The following LRFN5 variants were observed in gnomAD, a reference collection of about 807,000 sequenced individuals.
The protein encoded by LRFN5 is leucine-rich repeat and fibronectin type-III domain-containing protein 5.
LRFN5 carries 24 observed loss-of-function variants against 45.6 expected under a neutral mutation model. The ratio of observed to expected loss-of-function variants is 0.53; its 90% CI spans 0.38 to 0.74. The LOEUF (loss-of-function observed/expected upper bound fraction) is 0.74. Ranked by LOEUF, LRFN5 falls within the 30% of genes least tolerant of loss-of-function variation. The pLI, the probability that LRFN5 is intolerant of heterozygous loss-of-function variation, is 0.00. For synonymous variants in LRFN5, 340 were observed against 313.8 expected, an observed-to-expected ratio of 1.08 and a Z score of -0.88; for missense variants, 776 against 861.5, an observed-to-expected ratio of 0.90 and a Z score of 1.24.
At chr14:41,889,570 CA>C (rs1566507654) in intron 3 of LRFN5, among the ~76,000 whole-genome samples, 2 of 152,058 alleles carry the variant, frequency 1.3e-5, no homozygotes, top group African/African-American at 4.8e-5. Context: ...TGAAATAAGC[CA>C]GATTTTATTT....
intron 2 of LRFN5, among the ~76,000 whole-genome samples, chr14:41,828,066 A>G (rs537729240): frequency 6.6e-6 from 1 of 152,156 alleles, no homozygotes; most frequent in African/African-American, 2.4e-5. Context: ...ATGTATTGTT[A>G]TATCATGAAA....
intron 2 of LRFN5, among the ~76,000 whole-genome samples, chr14:41,827,492 ATCAAGCCAC>A (rs1249678567): frequency 6.6e-6 from 1 of 152,058 alleles, no homozygotes; most frequent in Non-Finnish European, 1.5e-5. Flanking sequence ...TAGAGGAAAT[ATCAAGCCAC>A]ATACACTGAA....
chr14:41,810,562 T>G (rs961605733), intron 2 of LRFN5, among the ~76,000 whole-genome samples: 1 of 152,188 alleles, frequency 6.6e-6, no homozygotes, highest in Admixed American at 6.6e-5. Context: ...TTTCATTGAC[T>G]TACGCAATAT....
rs548160327 is a variant in LRFN5 at position 41,855,704 on chromosome 14, A to G, written c.-20-30902A>G. On this transcript the variant is annotated intron_variant, in intron 2 of 5. Coordinates refer to ENST00000298119, the MANE Select transcript of LRFN5 (RefSeq NM_152447.5). ...GCTAGCAAGCTGAATAAACATTTGA[A>G]TAAATGTTTAACGAGTCCCACTGGC... 2.0e-3 allele frequency among the ~76,000 whole-genome samples: 293 copies of G among 148,508 alleles called. 1 individual carries two copies. The highest frequency in any genetic ancestry group is 6.5e-3 in the African/African-American group (271 of 41,466).
intron 1 of LRFN5, among the ~76,000 whole-genome samples, chr14:41,741,744 CATAGTGGAGAG>C (rs1884702538): frequency 6.6e-6 from 1 of 150,618 alleles, no homozygotes; most frequent in African/African-American, 2.4e-5. Context: ...CAACAATTTA[CATAGTGGAGAG>C]ATAGCCCACA....
intron 2 of LRFN5, among the ~76,000 whole-genome samples, chr14:41,774,853 C>G (rs1886219310): frequency 6.6e-6 from 1 of 152,100 alleles, no homozygotes; most frequent in Non-Finnish European, 1.5e-5. Flanking sequence ...AGGTTAGTTG[C>G]TAACAATAAC....
At chr14:41,638,096 A>G (rs1179486932) in intron 1 of LRFN5, among the ~76,000 whole-genome samples, 1 of 152,128 alleles carries the variant, frequency 6.6e-6, no homozygotes, top group African/African-American at 2.4e-5. Flanking sequence ...AATGCATGCT[A>G]TAGTATGACA....
At chr14:41,874,993 C>T (rs1185894728) in intron 2 of LRFN5, among the ~76,000 whole-genome samples, 1 of 152,102 alleles carries the variant, frequency 6.6e-6, no homozygotes, top group Non-Finnish European at 1.5e-5. Context: ...ATTCAGTTAC[C>T]CCCCCACCAA....
intron 2 of LRFN5, among the ~76,000 whole-genome samples, chr14:41,877,481 A>G (rs1480212604): frequency 6.6e-5 from 10 of 152,094 alleles, no homozygotes; most frequent in Non-Finnish European, 1.0e-4. Flanking sequence ...AGAAATTACT[A>G]CTTATTTTGT....
chr14:41,854,915 A>C (rs926070088), intron 2 of LRFN5, among the ~76,000 whole-genome samples: 1 of 152,212 alleles, frequency 6.6e-6, no homozygotes, highest in Admixed American at 6.5e-5. Context: ...ACTTATATGT[A>C]TCTATGGCAT....
intron 1 of LRFN5, among the ~76,000 whole-genome samples, chr14:41,663,408 G>T (rs1483509687): frequency 1.2e-4 from 19 of 152,018 alleles, no homozygotes; most frequent in Non-Finnish European, 2.8e-4. Context: ...GAGCCTCACA[G>T]GACTGTAAGA....
intron 2 of LRFN5, among the ~76,000 whole-genome samples, chr14:41,793,935 G>C (rs1201340242): frequency 3.9e-5 from 6 of 151,958 alleles, no homozygotes; most frequent in Non-Finnish European, 8.8e-5. Flanking sequence ...CTACTCTCCT[G>C]TCGTTATATT....
chr14:41,823,001 T>G (rs1474322229), intron 2 of LRFN5, among the ~76,000 whole-genome samples: 1 of 151,930 alleles, frequency 6.6e-6, no homozygotes, highest in Non-Finnish European at 1.5e-5. Flanking sequence ...GTATGATATA[T>G]TTTTTTCCAC....
At chr14:41,805,556 C>CCT (rs1230592344) in intron 2 of LRFN5, among the ~76,000 whole-genome samples, 1 of 146,448 alleles carries the variant, frequency 6.8e-6, no homozygotes, top group Non-Finnish European at 1.5e-5. Flanking sequence ...TCCCTCCACC[C>CCT]CCCCCACCCC....
intron 2 of LRFN5, among the ~76,000 whole-genome samples, chr14:41,856,739 C>G (rs1238053915): frequency 8.3e-6 from 1 of 120,336 alleles, no homozygotes; most frequent in East Asian, 2.5e-4. Flanking sequence ...TGCTGTGGCG[C>G]GATCTCCGCT....
chr14:41,879,955 C>T (rs561598649), intron 2 of LRFN5, among the ~76,000 whole-genome samples: 1 of 113,736 alleles, frequency 8.8e-6, no homozygotes, highest in African/African-American at 3.3e-5. Context: ...CAGAGTCTCA[C>T]TCTGTTGCCC....
At chr14:41,723,862 A>G (rs1883824950) in intron 1 of LRFN5, among the ~76,000 whole-genome samples, 1 of 152,160 alleles carries the variant, frequency 6.6e-6, no homozygotes. Flanking sequence ...CCATGTCACC[A>G]AAGAATGACT....
intron 1 of LRFN5, among the ~76,000 whole-genome samples, chr14:41,703,466 T>C (rs112055495): frequency 1.3e-4 from 20 of 152,274 alleles, no homozygotes; most frequent in Non-Finnish European, 2.4e-4. Flanking sequence ...ATTTAATCAG[T>C]TTTCTCAGTT....
At chr14:41,784,875 A>G (rs1886663049) in intron 2 of LRFN5, among the ~76,000 whole-genome samples, 1 of 152,066 alleles carries the variant, frequency 6.6e-6, no homozygotes, top group East Asian at 1.9e-4. Context: ...GTGATCTGTC[A>G]GCCTCATTCT....
Sources: allele counts gnomAD v4.1 joint callset (sites outside exome capture counted in the v4.1 genomes callset), GRCh38; gene constraint gnomAD v4.1.1; transcripts MANE v1.5; gene names NCBI Gene and HGNC (gene_info 2026-07-23, HGNC 2026-07-21).